DNAJB11: variants seen among roughly 807,000 people sequenced by gnomAD.
DNAJB11 encodes the protein dnaJ homolog subfamily B member 11.
A neutral mutation model predicts 47.2 loss-of-function variants in DNAJB11; 30 were observed. That is an observed-to-expected ratio of 0.64 (90% CI 0.48 to 0.86). The LOEUF (loss-of-function observed/expected upper bound fraction) is 0.86. DNAJB11 is among the 40% of genes least tolerant of loss of function. The pLI is 0.00. For synonymous variants in DNAJB11, 151 were observed against 159.9 expected, an observed-to-expected ratio of 0.94 and a Z score of 0.42; for missense variants, 357 against 440.2, an observed-to-expected ratio of 0.81 and a Z score of 1.69.
At chr3:186,582,654 C>A in intron 6 of DNAJB11, 62 bp from the exon 7 acceptor site, 2 of 1,381,866 alleles carry the variant, frequency 1.4e-6, no homozygotes, top group South Asian at 2.5e-5. Flanking sequence ...TATCAGTTGC[C>A]AAATAGATTT....
chr3:186,580,035 G>A (rs1344575686), intron 4 of DNAJB11: 1 of 152,204 alleles, frequency 6.6e-6, no homozygotes, highest in East Asian at 1.9e-4. Flanking sequence ...TAATACTGTT[G>A]AGGCTGCAGG....
chr3:186,576,828 C>T (rs1221695497), intron 3 of DNAJB11, among the ~76,000 whole-genome samples: 1 of 152,172 alleles, frequency 6.6e-6, no homozygotes, highest in Admixed American at 6.5e-5. Context: ...AGAGAAACAG[C>T]TTCCCCAGCC....
chr3:186,585,387 C>A lies in DNAJB11; in HGVS notation c.1056C>A (p.Tyr352Ter). The A allele has an allele frequency of 6.2e-7, 1 of 1,610,418 alleles. No homozygotes were observed. The highest frequency in any genetic ancestry group is 8.5e-7 in the Non-Finnish European group (1 of 1,178,320). The change falls in exon 10 of 10, where the codon TAC becomes TAA. Residue 352 changes from tyrosine (Y) to a stop codon, truncating the protein, a stop_gained. Coordinates refer to ENST00000265028, the MANE Select transcript of DNAJB11 (RefSeq NM_016306.6). LOFTEE classifies it high-confidence loss of function. The stretch of plus-strand genomic sequence containing the variant: ...AACAAGGGTCAGTGCAGAAGGTATA[C>A]AATGGACTGCAAGGATATTGAGAGT... ...LLKQGSVQKVYNGLQGY is the reference protein window; with the variant it reads ...LLKQGSVQKV
intron 3 of DNAJB11, among the ~76,000 whole-genome samples, chr3:186,577,222 A>G (rs758638127): frequency 6.6e-6 from 1 of 152,230 alleles, no homozygotes; most frequent in South Asian, 2.1e-4. Flanking sequence ...AGAACACTAC[A>G]TATGTTAAAA....
Position 186,585,357 on chromosome 3 carries a change from A to C in DNAJB11, c.1026A>C (p.Leu342=). Residue 342 remains leucine (L), a synonymous_variant, in exon 10 of 10, where the codon CTA becomes CTC. Transcript: ENST00000265028. ...TEEAREGIKQ[L]LKQGSVQKVY... is the part of the protein sequence containing the mutation. ...TTCTTTCTTCAGGTATCAAACAGCT[A>C]CTGAAACAAGGGTCAGTGCAGAAGG... 6.2e-7 allele frequency: 1 copy of C among 1,612,034 alleles called. No homozygotes were observed. Among genetic ancestry groups the C allele is most frequent in the Non-Finnish European group, 8.5e-7 (1 of 1,179,146 alleles).
rs1167079043 is a variant in DNAJB11 at position 186,585,385 on chromosome 3, T to C, written c.1054T>C (p.Tyr352His). 1 of 1,611,438 alleles carries C rather than the reference T, an allele frequency of 6.2e-7. No individual in the cohort carries two copies. Residue 352 changes from tyrosine to histidine, a missense_variant, in exon 10 of 10, where the codon TAC (tyrosine) becomes CAC (histidine). Tyr to His is a moderately conservative substitution (Grantham distance 83). Coordinates refer to ENST00000265028, the MANE Select transcript of DNAJB11 (RefSeq NM_016306.6). Reference protein sequence around the residue: ...LLKQGSVQKVYNGLQGY With the variant: ...LLKQGSVQKVHNGLQGY ...GAAACAAGGGTCAGTGCAGAAGGTA[T>C]ACAATGGACTGCAAGGATATTGAGA...
chr3:186,576,935 C>G lies in DNAJB11; in HGVS notation c.324-733C>G, dbSNP rs538042673. On this transcript the variant is annotated intron_variant, in intron 3 of 9. Transcript: ENST00000265028. Reference sequence around the variant, plus strand: ...GAGGGAGTTATATAGTTATCATCTTCGCTATGCTAATATACAAGGCTTCTT... The same window carrying G: ...GAGGGAGTTATATAGTTATCATCTTGGCTATGCTAATATACAAGGCTTCTT... 1.0e-3 allele frequency among the ~76,000 whole-genome samples: 153 copies of G among 152,242 alleles called. 1 individual carries two copies. Among genetic ancestry groups the G allele is most frequent in the African/African-American group, 3.5e-3 (144 of 41,518 alleles).
At chr3:186,583,771 G>T in intron 7 of DNAJB11, 94 bp from the exon 8 acceptor site, 1 of 831,724 alleles carries the variant, frequency 1.2e-6, no homozygotes, top group Non-Finnish European at 2.0e-6. Context: ...TTTATTGTTT[G>T]AAAGAGTGGT....
chr3:186,583,892 T>A lies in DNAJB11; in HGVS notation c.768T>A (p.Asp256Glu), dbSNP rs748420874. The A allele has an allele frequency of 5.0e-5, 81 of 1,613,000 alleles. No individual in the cohort carries two copies. The Admixed American group carries it at 1.3e-3, about 27-fold the overall frequency. ...ACCCAATATTTGAAAGGAGAGGAGA[T>A]GATTTGTACACAAATGTGACAATCT... Reference protein sequence around the residue: ...VKHPIFERRGDDLYTNVTISL... With the variant: ...VKHPIFERRGEDLYTNVTISL... The change falls in exon 8 of 10, where the codon GAT (aspartate) becomes GAA (glutamate). Residue 256 changes from aspartate (D) to glutamate (E), a missense_variant. Asp to Glu is a conservative substitution (Grantham distance 45). Transcript: ENST00000265028.
Position 186,584,449 on chromosome 3 carries a change from A to C in DNAJB11, c.872A>C (p.Lys291Thr). The change falls in exon 9 of 10, where the codon AAG becomes ACG. Residue 291 changes from lysine (K) to threonine (T), a missense_variant. Coordinates refer to ENST00000265028, the MANE Select transcript of DNAJB11 (RefSeq NM_016306.6). ...DGHKVHISRD[K>T]ITRPGAKLWK... is the part of the protein sequence containing the mutation. ...TTCTAGGTACATATTTCCCGGGATA[A>C]GATCACCAGGCCAGGAGCGAAGCTA... The C allele has an allele frequency of 6.4e-7, 1 of 1,560,390 alleles. No homozygotes were observed. The highest frequency in any genetic ancestry group is 2.2e-5 in the Admixed American group (1 of 45,496).
At chr3:186,583,779 G>A (rs1715566884) in intron 7 of DNAJB11, 86 bp from the exon 8 acceptor site, 1 of 869,686 alleles carries the variant, frequency 1.1e-6, no homozygotes, top group Non-Finnish European at 1.9e-6. Context: ...TTGAAAGAGT[G>A]GTGTTCACCT....
At chr3:186,584,703 C>A in intron 9 of DNAJB11, 114 bp downstream of exon 9, 1 of 1,087,014 alleles carries the variant, frequency 9.2e-7, no homozygotes, top group South Asian at 2.0e-5. Context: ...AGACATCAAT[C>A]ATTAATGCTA....
chr3:186,577,319 A>T (rs1158453888), intron 3 of DNAJB11, among the ~76,000 whole-genome samples: 1 of 152,210 alleles, frequency 6.6e-6, no homozygotes, highest in Non-Finnish European at 1.5e-5. Flanking sequence ...TAAGTCCACC[A>T]TATTCAGATT....
Position 186,585,427 on chromosome 3 carries a change from T to C in DNAJB11, c.*19T>C. Reference sequence around the variant, plus strand: ...ATATTGAGAGTGAATAAAATTGGACTTTGTTTAAAATAAGTGAATAAGCGA... The same window carrying C: ...ATATTGAGAGTGAATAAAATTGGACCTTGTTTAAAATAAGTGAATAAGCGA... On this transcript the variant is annotated 3_prime_UTR_variant, in exon 10 of 10. Coordinates refer to ENST00000265028, the MANE Select transcript of DNAJB11 (RefSeq NM_016306.6). 1 of 1,585,730 alleles carries C rather than the reference T, an allele frequency of 6.3e-7. No individual in the cohort carries two copies. Among genetic ancestry groups the C allele is most frequent in the South Asian group, 1.1e-5 (1 of 87,118 alleles).
chr3:186,571,084 G>T (rs1715033642), intron 1 of DNAJB11, 119 bp downstream of exon 1: 5 of 952,684 alleles, frequency 5.2e-6, no homozygotes, highest in Non-Finnish European at 6.2e-6. Context: ...ATCGCTGTGG[G>T]TTGGCGGGGT....
chr3:186,579,811 C>T (rs887802863), intron 4 of DNAJB11: 4 of 152,332 alleles, frequency 2.6e-5, no homozygotes, highest in Middle Eastern at 3.4e-3. Context: ...AAACAGCCCT[C>T]TATCTGTGGG....
At chr3:186,578,985 G>A (rs1309488789) in intron 4 of DNAJB11, 1 of 152,214 alleles carries the variant, frequency 6.6e-6, no homozygotes, top group Non-Finnish European at 1.5e-5. Context: ...AGGAGGCTGA[G>A]GTAGGAGGAT....
At position 186,581,428 on chromosome 3, in the gene DNAJB11, C is replaced by T. The variant is rs1715480262; in HGVS notation, c.514C>T (p.Arg172Trp). Residue 172 changes from arginine (R) to tryptophan (W), a missense_variant, in exon 5 of 10, where the codon CGG becomes TGG. Transcript: ENST00000265028. Reference protein sequence around the residue: ...QAPGKRKCNCRQEMRTTQLGP... With the variant: ...QAPGKRKCNCWQEMRTTQLGP... ...TCCTGGCAAACGGAAGTGCAATTGT[C>T]GGCAAGAGATGCGGACCACCCAGCT... 4 of 1,613,884 alleles carry T rather than the reference C, an allele frequency of 2.5e-6. No individual in the cohort carries two copies. Among genetic ancestry groups the T allele is most frequent in the Non-Finnish European group, 3.4e-6 (4 of 1,179,984 alleles).
intron 2 of DNAJB11, 133 bp from the exon 3 acceptor site, chr3:186,575,707 A>G (rs955542151): frequency 1.6e-5 from 10 of 628,510 alleles, no homozygotes; most frequent in Non-Finnish European, 2.8e-5. Context: ...GCCTTAATAC[A>G]GTACATAATG....
Sources: allele counts gnomAD v4.1 joint callset (sites outside exome capture counted in the v4.1 genomes callset), GRCh38; gene constraint gnomAD v4.1.1; transcripts MANE v1.5; gene names NCBI Gene and HGNC (gene_info 2026-07-23, HGNC 2026-07-21).